Variants in KALRN observed in about 807,000 individuals in gnomAD.
The protein encoded by KALRN is kalirin RhoGEF kinase.
KALRN carries 70 observed loss-of-function variants against 353.7 expected under a neutral mutation model. The ratio of observed to expected loss-of-function variants is 0.20; its 90% confidence interval spans 0.16 to 0.24. KALRN has a LOEUF of 0.24. KALRN is among the 10% of genes least tolerant of loss of function. The probability of loss-of-function intolerance (pLI) is 1.00; values close to 1 mark genes in which losing one functional copy is unlikely to be tolerated. For synonymous variants in KALRN, 1,391 were observed against 1,434.8 expected (o/e 0.97, Z 0.69); for missense variants, 2,791 against 3,756.7 (o/e 0.74, Z 6.72).
intron 11 of KALRN, among the ~76,000 whole-genome samples, chr3:124,393,690 G>A (rs1009901963): frequency 6.6e-6 from 1 of 152,202 alleles, no homozygotes; most frequent in African/African-American, 2.4e-5. Context: ...AGTCCTCACA[G>A]TCTTTGAAGT....
intron 1 of KALRN, among the ~76,000 whole-genome samples, chr3:124,069,936 C>T (rs555145497): frequency 1.2e-4 from 18 of 152,210 alleles, no homozygotes; most frequent in African/African-American, 2.6e-4. Flanking sequence ...CCTTTCTTAT[C>T]AGGCTGCTGT....
Position 124,165,542 on chromosome 3 carries a change from T to C in KALRN, c.74-62448T>C, listed in dbSNP as rs987478046. 5.3e-5 allele frequency among the ~76,000 whole-genome samples: 8 copies of C among 152,218 alleles called. No individual in the cohort carries two copies. The South Asian group carries it at 1.4e-3, about 28-fold the overall frequency. On this transcript the variant is annotated intron_variant, in intron 1 of 59. Transcript: ENST00000682506. ...ACATGTGGTCCCCTCCAACATGTCG[T>C]CATGTTTCACACATGTCATTTCACA...
At chr3:124,182,631 A>G (rs1006921875) in intron 1 of KALRN, among the ~76,000 whole-genome samples, 4 of 152,316 alleles carry the variant, frequency 2.6e-5, no homozygotes, top group Admixed American at 6.5e-5. Context: ...GCCAGTATAT[A>G]CTCAAGGAGA....
At chr3:124,436,092 A>T (rs2093450403) in intron 17 of KALRN, among the ~76,000 whole-genome samples, 1 of 152,246 alleles carries the variant, frequency 6.6e-6, no homozygotes, top group South Asian at 2.1e-4. Context: ...TGACAAAAAA[A>T]TTCAATGAGT....
intron 1 of KALRN, among the ~76,000 whole-genome samples, chr3:124,042,923 G>C (rs1202671314): frequency 1.3e-5 from 2 of 152,172 alleles, no homozygotes; most frequent in Non-Finnish European, 2.9e-5. Context: ...TAAATGAAAA[G>C]CATACACAGA....
intron 5 of KALRN, among the ~76,000 whole-genome samples, chr3:124,282,404 G>A (rs1470513582): frequency 2.1e-5 from 3 of 141,936 alleles, no homozygotes; most frequent in Non-Finnish European, 4.6e-5. Flanking sequence ...TTGAGATGGA[G>A]TTTTGCTCTT....
chr3:124,552,586 C>A (rs2070680277), intron 33 of KALRN, among the ~76,000 whole-genome samples: 1 of 152,144 alleles, frequency 6.6e-6, no homozygotes, highest in African/African-American at 2.4e-5. Context: ...CTCTAGGATG[C>A]CCAGTATAGG....
intron 14 of KALRN, 127 bp downstream of exon 14, chr3:124,413,792 TA>T (rs1198333717): frequency 1.2e-6 from 1 of 814,894 alleles, no homozygotes. Flanking sequence ...TAGAGATTTT[TA>T]CCCACATTTT....
chr3:124,488,475 C>G (rs368674233), intron 29 of KALRN, 160 bp downstream of exon 29: 3 of 599,068 alleles, frequency 5.0e-6, no homozygotes, highest in Non-Finnish European at 9.0e-6. Context: ...GAGAGGGGCT[C>G]CACAAGGACC....
intron 34 of KALRN, among the ~76,000 whole-genome samples, chr3:124,592,508 G>A (rs1489122268): frequency 2.0e-5 from 3 of 151,762 alleles, no homozygotes; most frequent in East Asian, 1.9e-4. Flanking sequence ...ACTTTGGTTA[G>A]CAATATCATT....
At chr3:124,397,591 A>G (rs2090320219) in intron 12 of KALRN, among the ~76,000 whole-genome samples, 1 of 152,182 alleles carries the variant, frequency 6.6e-6, no homozygotes, top group South Asian at 2.1e-4. Flanking sequence ...GCTCTAGCTT[A>G]CTCAAGGCCC....
intron 1 of KALRN, chr3:124,163,946 A>G (rs774920602): frequency 1.0e-6 from 1 of 985,482 alleles, no homozygotes; most frequent in Non-Finnish European, 1.2e-6. Context: ...CATAGCTCAC[A>G]GTCCAGCTTG....
intron 10 of KALRN, among the ~76,000 whole-genome samples, chr3:124,351,817 A>G (rs1252300124): frequency 6.6e-6 from 1 of 152,212 alleles, no homozygotes; most frequent in African/African-American, 2.4e-5. Context: ...ATTTTAAACA[A>G]ATTCTTCAAA....
At chr3:124,169,574 G>A (rs139452848) in intron 1 of KALRN, among the ~76,000 whole-genome samples, 5 of 152,126 alleles carry the variant, frequency 3.3e-5, no homozygotes, top group Non-Finnish European at 5.9e-5. Context: ...TGTAGTTTAG[G>A]GGGAGGGAAG....
At chr3:124,519,841 T>C in intron 33 of KALRN, 2 of 985,384 alleles carry the variant, frequency 2.0e-6, no homozygotes, top group Non-Finnish European at 2.4e-6. Context: ...AATAAAATGA[T>C]TCTAAAGCAG....
At chr3:124,654,623 G>T (rs1434365749) in intron 38 of KALRN, among the ~76,000 whole-genome samples, 2 of 152,166 alleles carry the variant, frequency 1.3e-5, no homozygotes, top group Non-Finnish European at 2.9e-5. Context: ...CTGGACAAAA[G>T]ACAGAAAGAG....
intron 1 of KALRN, among the ~76,000 whole-genome samples, chr3:124,138,954 C>T (rs549470475): frequency 4.8e-4 from 73 of 152,194 alleles, no homozygotes; most frequent in Admixed American, 2.0e-3. Context: ...TGTATCATGG[C>T]GCATATAATA....
At chr3:124,686,798 ATTTTTTTTTTTTT>A (rs10599336) in intron 51 of KALRN, among the ~76,000 whole-genome samples, 10 of 70,830 alleles carry the variant, frequency 1.4e-4, no homozygotes, top group East Asian at 1.4e-3. Context: ...CACTGGTGAG[ATTTTTTTTTTTTT>A]TTTTTTTTTT....
chr3:124,587,260 C>T (rs926919711), intron 34 of KALRN, among the ~76,000 whole-genome samples: 74 of 152,180 alleles, frequency 4.9e-4, no homozygotes, highest in African/African-American at 1.7e-3. Context: ...GTCTCTATCC[C>T]TTCTCTCTCA....
Sources: allele counts gnomAD v4.1 joint callset (sites outside exome capture counted in the v4.1 genomes callset), GRCh38; gene constraint gnomAD v4.1.1; transcripts MANE v1.5; gene names NCBI Gene and HGNC (gene_info 2026-07-23, HGNC 2026-07-21).